The following FBXO17 variants were observed in gnomAD, a reference collection of about 807,000 sequenced individuals.
FBXO17 encodes F-box only protein 17.
In FBXO17, 43 loss-of-function variants were observed where a neutral mutation model predicts 34.1. That is an observed-to-expected ratio of 1.26 (90% CI 0.99 to 1.62). The LOEUF (loss-of-function observed/expected upper bound fraction) is 1.62. Ranked by LOEUF, FBXO17 falls within the 40% of genes most tolerant of loss-of-function variation. The pLI is 0.00. For missense variants in FBXO17, 424 were observed against 386.7 expected (o/e 1.10, Z -0.81); for synonymous variants, 169 against 166.0 (o/e 1.02, Z -0.14).
At position 38,975,045 on chromosome 19, in the gene FBXO17, A is replaced by G. The variant is rs1174062916; in HGVS notation, c.-18+541T>C. On this transcript the variant is annotated intron_variant, in intron 1 of 5. Coordinates refer to ENST00000292852, the MANE Select transcript of FBXO17 (RefSeq NM_024907.7). The surrounding 1 kb of genome is among the most constrained non-coding windows in gnomAD (Gnocchi z 4.9). ...AGAGCTTTCGAACATATCACTGAAC[A>G]TTGCAAAAGTAACTTGGCAGAACAA... Among the ~76,000 whole-genome samples, 1 of 152,242 alleles carries G rather than the reference A, an allele frequency of 6.6e-6. No individual in the cohort carries two copies. Among genetic ancestry groups the G allele is most frequent in the African/African-American group, 2.4e-5 (1 of 41,468 alleles).
In FBXO17 at chr19:38,948,164, C is replaced by T. The variant is rs186098972; in HGVS notation, c.461+403G>A. The stretch of plus-strand genomic sequence containing the variant: ...CTAATTTTTGTCTTTTTAGTAGAGA[C>T]GGGGTTTCCCCCTGTTGGCCAGGCT... On this transcript the variant is annotated intron_variant, in intron 3 of 5. Coordinates refer to ENST00000292852, the MANE Select transcript of FBXO17 (RefSeq NM_024907.7). Among the ~76,000 whole-genome samples, 105 of 152,116 alleles carry T rather than the reference C, an allele frequency of 6.9e-4. 1 individual carries two copies. The highest frequency in any genetic ancestry group is 1.3e-3 in the Non-Finnish European group (86 of 68,000).
At chr19:38,959,237 TAAAA>T (rs1975212180) in intron 1 of FBXO17, among the ~76,000 whole-genome samples, 1 of 151,326 alleles carries the variant, frequency 6.6e-6, no homozygotes, top group Admixed American at 6.6e-5. Context: ...GGCTGGATCA[TAAAA>T]GAGTATGCAG....
Position 38,942,741 on chromosome 19 carries a change from A to G in FBXO17, c.704T>C (p.Val235Ala). Residue 235 changes from valine (V) to alanine (A), a missense_variant, in exon 6 of 6, where the codon GTC (valine) becomes GCC (alanine). By Grantham distance (64) the Val-to-Ala change is moderately conservative. Coordinates refer to ENST00000292852, the MANE Select transcript of FBXO17 (RefSeq NM_024907.7). ...TERGCRQVSH[V>A]FTNFGKGIRY... Reference sequence around the variant, plus strand: ...GATGCCCTTGCCAAAGTTGGTGAAGACGTGGGAGACCTGCAGGGGGAAGGG... The same window carrying G: ...GATGCCCTTGCCAAAGTTGGTGAAGGCGTGGGAGACCTGCAGGGGGAAGGG... 6.2e-7 allele frequency: 1 copy of G among 1,605,760 alleles called. No individual in the cohort carries two copies. The highest frequency in any genetic ancestry group is 8.5e-7 in the Non-Finnish European group (1 of 1,176,742).
chr19:38,962,106 TAAAAA>T (rs71167604), intron 1 of FBXO17, among the ~76,000 whole-genome samples: 1 of 92,496 alleles, frequency 1.1e-5, no homozygotes, highest in Admixed American at 1.2e-4. Flanking sequence ...GGGACGCTGT[TAAAAA>T]AAAAAAAAAA....
chr19:38,955,264 C>T (rs373459110), intron 1 of FBXO17, among the ~76,000 whole-genome samples: 1 of 151,586 alleles, frequency 6.6e-6, no homozygotes, highest in Non-Finnish European at 1.5e-5. Flanking sequence ...GGTCTTGCTT[C>T]TTCACTCGGG....
intron 5 of FBXO17, among the ~76,000 whole-genome samples, chr19:38,943,296 T>A (rs1974921416): frequency 6.6e-6 from 1 of 151,876 alleles, no homozygotes; most frequent in African/African-American, 2.4e-5. Flanking sequence ...ATTTTTGAGA[T>A]GGAGTCTCAC....
Position 38,952,928 on chromosome 19 carries a change from C to T in FBXO17, c.-17-2592G>A, listed in dbSNP as rs1357393005. 14 of 438,772 alleles carry T rather than the reference C, an allele frequency of 3.2e-5. No individual in the cohort carries two copies. In the East Asian group the frequency reaches 6.4e-4, roughly 20 times the overall value. 27.2% of individuals were successfully genotyped at this position (438,772 alleles called of 1,614,324 possible). On this transcript the variant is annotated intron_variant, in intron 1 of 5. Transcript: ENST00000292852. The stretch of plus-strand genomic sequence containing the variant: ...CCCACTGTGATCTCCCATCCGTTGT[C>T]CCTTTCATATTTTACTCCCCCTCAC...
chr19:38,950,894 C>T (rs957061750), intron 1 of FBXO17, among the ~76,000 whole-genome samples: 1 of 152,012 alleles, frequency 6.6e-6, no homozygotes, highest in African/African-American at 2.4e-5. Context: ...TGGGTTCAAG[C>T]GATTCTCCTG....
chr19:38,955,655 T>C (rs1975157550), intron 1 of FBXO17, among the ~76,000 whole-genome samples: 1 of 151,926 alleles, frequency 6.6e-6, no homozygotes, highest in African/African-American at 2.4e-5. Context: ...TGCTTATTTT[T>C]GTATCGTTAG....
intron 4 of FBXO17, chr19:38,946,257 G>A: frequency 1.3e-6 from 1 of 765,674 alleles, no homozygotes; most frequent in East Asian, 2.8e-5. Flanking sequence ...CAGCCTGCTG[G>A]GATGAGGGTG....
chr19:38,950,177 G>A lies in FBXO17; in HGVS notation c.143C>T (p.Ala48Val). 6.4e-7 allele frequency: 1 copy of A among 1,559,682 alleles called. No individual in the cohort carries two copies. The highest frequency in any genetic ancestry group is 8.6e-7 in the Non-Finnish European group (1 of 1,159,256). ...GGGCCCGTCCACTATGTCGCGCCAGGCGCGGCACACTGGGCGGCATCGCGT... is the reference window on the plus strand; with the variant it reads ...GGGCCCGTCCACTATGTCGCGCCAGACGCGGCACACTGGGCGGCATCGCGT... ...LVTRCRPVCR[A>V]WRDIVDGPTV... is the part of the protein sequence containing the mutation. The change falls in exon 2 of 6, where the codon GCC (alanine) becomes GTC (valine). Residue 48 changes from alanine (A) to valine (V), a missense_variant. Transcript: ENST00000292852.
At position 38,942,088 on chromosome 19, in the gene FBXO17, A is replaced by G. The variant is rs1974895478; in HGVS notation, c.*520T>C. 1 of 151,570 alleles carries G rather than the reference A, an allele frequency of 6.6e-6. No individual in the cohort carries two copies. Among genetic ancestry groups the G allele is most frequent in the African/African-American group, 2.4e-5 (1 of 41,174 alleles). The allele number at this position is 151,570 out of a possible 1,614,324, so 9.4% of individuals were successfully genotyped here. On this transcript the variant is annotated 3_prime_UTR_variant, in exon 6 of 6. Coordinates refer to ENST00000292852, the MANE Select transcript of FBXO17 (RefSeq NM_024907.7). ...AATGAACTAAATGTCTCTTCCTGACACTCCCCTTCTGGGGGGCTGAGGAAG... is the reference window on the plus strand; with the variant it reads ...AATGAACTAAATGTCTCTTCCTGACGCTCCCCTTCTGGGGGGCTGAGGAAG...
chr19:38,943,214 C>CT (rs11300059), intron 5 of FBXO17, among the ~76,000 whole-genome samples: 18 of 145,346 alleles, frequency 1.2e-4, no homozygotes, highest in South Asian at 8.7e-4. Flanking sequence ...AGGACTTTGG[C>CT]TTTTTTTTTT....
At chr19:38,969,358 G>A (rs534447503) in intron 1 of FBXO17, among the ~76,000 whole-genome samples, 1 of 150,364 alleles carries the variant, frequency 6.7e-6, no homozygotes, top group East Asian at 2.0e-4. Context: ...TGGGAGGATC[G>A]CTTGAGCCCA....
At position 38,975,251 on chromosome 19, in the gene FBXO17, G is replaced by A. The variant is rs938537181; in HGVS notation, c.-18+335C>T. On this transcript the variant is annotated intron_variant, in intron 1 of 5. Transcript: ENST00000292852. This position sits in a 1 kb window ranked among gnomAD's most constrained non-coding sequence, Gnocchi z 4.9. ...CTTCCCCGGGCTGTTGCGCCCACGT[G>A]TTGGTTTGCAGCGTTTGGCAGGGGT... 3.3e-5 allele frequency among the ~76,000 whole-genome samples: 5 copies of A among 152,232 alleles called. No individual in the cohort carries two copies. The highest frequency in any genetic ancestry group is 1.2e-4 in the African/African-American group (5 of 41,462).
intron 1 of FBXO17, among the ~76,000 whole-genome samples, chr19:38,961,293 T>TTTTG (rs200883499): frequency 1.3e-5 from 2 of 151,458 alleles, no homozygotes; most frequent in Admixed American, 6.6e-5. Flanking sequence ...TTTTTTTTTT[T>TTTTG]GAGATGGCGT....
intron 1 of FBXO17, among the ~76,000 whole-genome samples, chr19:38,973,705 C>T (rs1366487381): frequency 6.6e-6 from 1 of 151,872 alleles, no homozygotes; most frequent in Non-Finnish European, 1.5e-5. Context: ...GTTTGGGCGC[C>T]GGTGGCTCAC....
intron 1 of FBXO17, among the ~76,000 whole-genome samples, chr19:38,951,190 C>A (rs776431491): frequency 6.6e-5 from 10 of 151,970 alleles, no homozygotes; most frequent in Non-Finnish European, 1.3e-4. Context: ...CTGCAGTGGT[C>A]ACCTCCTTAT....
At chr19:38,965,553 C>A (rs570440679) in intron 1 of FBXO17, among the ~76,000 whole-genome samples, 172 of 152,182 alleles carry the variant, frequency 1.1e-3, no homozygotes, top group Non-Finnish European at 2.2e-3. Context: ...GTTGCCCAGG[C>A]TGGAGTGCAA....
Sources: allele counts gnomAD v4.1 joint callset (sites outside exome capture counted in the v4.1 genomes callset), GRCh38; gene constraint gnomAD v4.1.1; non-coding constraint Gnocchi (gnomAD v3.1); transcripts MANE v1.5; gene names NCBI Gene and HGNC (gene_info 2026-07-23, HGNC 2026-07-21).